Variants in RPS6KA5 observed in about 807,000 individuals in gnomAD.
The protein encoded by RPS6KA5 is ribosomal protein S6 kinase A5, also known as ribosomal protein S6 kinase alpha-5.
Under a neutral mutation model 85.5 loss-of-function variants are expected in RPS6KA5, and 27 were observed. The observed-to-expected ratio is 0.32, with a 90% CI of 0.23 to 0.44. The LOEUF is 0.44. Ranked by LOEUF, RPS6KA5 falls within the 20% of genes least tolerant of loss-of-function variation. The pLI is 1.00. For synonymous variants in RPS6KA5, 334 were observed against 348.2 expected (o/e 0.96, Z 0.46); for missense variants, 811 against 980.9 (o/e 0.83, Z 2.31).
chr14:91,059,899 C>T (rs1164788660), intron 1 of RPS6KA5: 9 of 378,502 alleles, frequency 2.4e-5, no homozygotes, highest in African/African-American at 2.2e-5. Context: ...CCGGGACCCC[C>T]CATCGCGGGG....
chr14:90,929,556 T>C (rs909414778), intron 5 of RPS6KA5, among the ~76,000 whole-genome samples: 3 of 152,152 alleles, frequency 2.0e-5, no homozygotes, highest in African/African-American at 2.4e-5. Context: ...ATAATATATG[T>C]ATAAAATATT....
intron 2 of RPS6KA5, among the ~76,000 whole-genome samples, chr14:90,996,940 G>A (rs1163353540): frequency 1.3e-5 from 2 of 152,014 alleles, no homozygotes; most frequent in Admixed American, 1.3e-4. Context: ...TATTTTTCTG[G>A]CAATTTTACA....
chr14:90,960,891 T>C (rs1311554720), intron 3 of RPS6KA5, among the ~76,000 whole-genome samples: 2 of 152,258 alleles, frequency 1.3e-5, no homozygotes, highest in Non-Finnish European at 2.9e-5. Context: ...TCAATTTTTA[T>C]TGATACTCCT....
At chr14:91,022,921 C>T (rs2041841849) in intron 1 of RPS6KA5, among the ~76,000 whole-genome samples, 1 of 151,916 alleles carries the variant, frequency 6.6e-6, no homozygotes, top group Admixed American at 6.6e-5. Flanking sequence ...CCCATCTCTA[C>T]TAAAAATGTA....
chr14:91,023,994 A>T (rs2139807413), intron 1 of RPS6KA5, among the ~76,000 whole-genome samples: 1 of 152,032 alleles, frequency 6.6e-6, no homozygotes, highest in Admixed American at 6.6e-5. Context: ...TTGCTGAATA[A>T]TTTTTCTTCT....
intron 14 of RPS6KA5, among the ~76,000 whole-genome samples, chr14:90,882,866 C>T (rs527874146): frequency 2.6e-5 from 4 of 151,876 alleles, no homozygotes; most frequent in Admixed American, 2.6e-4. Context: ...GTCATGATCT[C>T]AGCTCACTGC....
rs780918760 is a variant in RPS6KA5, at chr14:90,873,661, C to T, written c.2131G>A (p.Val711Met). 4.2e-5 allele frequency: 67 copies of T among 1,614,024 alleles called. No homozygotes were observed. The highest frequency in any genetic ancestry group is 5.5e-5 in the Non-Finnish European group (65 of 1,180,024). The stretch of plus-strand genomic sequence containing the variant: ...AAGGTTGCTTTCACACAGGTATGCA[C>T]GGCAGCTCCGGAAGATCCTAGAATA... ...PDILGSSGAA[V>M]HTCVKATFHA... Residue 711 changes from valine to methionine, a missense_variant, in exon 16 of 17, where the codon GTG (valine) becomes ATG (methionine). Physicochemically the swap from Val to Met is conservative, Grantham distance 21. Transcript: ENST00000614987.
At chr14:90,929,864 T>C (rs1288526170) in intron 5 of RPS6KA5, among the ~76,000 whole-genome samples, 1 of 152,188 alleles carries the variant, frequency 6.6e-6, no homozygotes, top group South Asian at 2.1e-4. Context: ...TATAAAATGA[T>C]AGGCTTTTTT....
intron 1 of RPS6KA5, among the ~76,000 whole-genome samples, chr14:91,045,537 T>G (rs2042837306): frequency 1.3e-5 from 2 of 152,226 alleles, no homozygotes; most frequent in Non-Finnish European, 2.9e-5. Flanking sequence ...GTGCTGGGAT[T>G]GCAGGCATGA....
intron 1 of RPS6KA5, among the ~76,000 whole-genome samples, chr14:91,006,074 G>A (rs1248257068): frequency 6.6e-6 from 1 of 152,170 alleles, no homozygotes; most frequent in Non-Finnish European, 1.5e-5. Flanking sequence ...TCCTATGCCA[G>A]GCATGCCTTT....
intron 14 of RPS6KA5, among the ~76,000 whole-genome samples, chr14:90,878,381 C>A (rs1422363261): frequency 2.6e-5 from 4 of 152,216 alleles, no homozygotes; most frequent in Admixed American, 1.3e-4. Context: ...CCCCCCTCCC[C>A]TTCCTCGGAT....
At chr14:90,917,527 A>C (rs887079768) in intron 7 of RPS6KA5, among the ~76,000 whole-genome samples, 5 of 152,192 alleles carry the variant, frequency 3.3e-5, no homozygotes, top group Admixed American at 2.0e-4. Flanking sequence ...ATCACCTTCC[A>C]AAGTTTTCCT....
At chr14:90,905,142 T>C (rs1056803648) in intron 8 of RPS6KA5, among the ~76,000 whole-genome samples, 1 of 152,098 alleles carries the variant, frequency 6.6e-6, no homozygotes, top group African/African-American at 2.4e-5. Context: ...AATAATTACA[T>C]TGAGAGACTA....
chr14:90,934,169 T>G (rs1008592257), intron 5 of RPS6KA5, among the ~76,000 whole-genome samples: 2 of 152,190 alleles, frequency 1.3e-5, no homozygotes, highest in African/African-American at 4.8e-5. Flanking sequence ...TGCTCATTCA[T>G]TGCAAGATCT....
At chr14:91,007,780 C>G (rs2041090108) in intron 1 of RPS6KA5, among the ~76,000 whole-genome samples, 1 of 151,360 alleles carries the variant, frequency 6.6e-6, no homozygotes, top group African/African-American at 2.4e-5. Context: ...AAACAGTAAA[C>G]TTAAGGATAA....
Position 90,892,166 on chromosome 14 carries a change from C to CT in RPS6KA5, c.1645-1489dup, listed in dbSNP as rs35142026. ...GGTGCCCGCCACCATGCCTGGCTAA[C>CT]TTTTTTTGTATTTTTAGTAGAGATG... On this transcript the variant is annotated intron_variant, in intron 13 of 16. Coordinates refer to ENST00000614987, the MANE Select transcript of RPS6KA5 (RefSeq NM_004755.4). 3.1e-3 allele frequency among the ~76,000 whole-genome samples: 471 copies of CT among 151,840 alleles called. 1 individual carries two copies. The highest frequency in any genetic ancestry group is 4.8e-3 in the Non-Finnish European group (329 of 67,888).
intron 13 of RPS6KA5, among the ~76,000 whole-genome samples, chr14:90,890,983 C>G (rs2034518915): frequency 6.6e-6 from 1 of 152,020 alleles, no homozygotes; most frequent in Admixed American, 6.6e-5. Context: ...CAACCTACCT[C>G]CCCCCATCTA....
At chr14:90,934,553 CATT>C (rs2037163008) in intron 5 of RPS6KA5, among the ~76,000 whole-genome samples, 1 of 151,974 alleles carries the variant, frequency 6.6e-6, no homozygotes, top group African/African-American at 2.4e-5. Flanking sequence ...ACATATTTAA[CATT>C]ATTTGAACAA....
chr14:90,877,136 G>A (rs2033530343), intron 14 of RPS6KA5, among the ~76,000 whole-genome samples: 1 of 152,224 alleles, frequency 6.6e-6, no homozygotes, highest in African/African-American at 2.4e-5. Flanking sequence ...AGGCTAGAAG[G>A]CTTTGGACAA....
Sources: allele counts gnomAD v4.1 joint callset (sites outside exome capture counted in the v4.1 genomes callset), GRCh38; gene constraint gnomAD v4.1.1; transcripts MANE v1.5; gene names NCBI Gene and HGNC (gene_info 2026-07-23, HGNC 2026-07-21).